The following GRK4 variants were observed in gnomAD, a reference collection of about 807,000 sequenced individuals.
GRK4 encodes the protein G protein-coupled receptor kinase 2-like.
GRK4 carries 73 observed loss-of-function variants against 77.9 expected under a neutral mutation model. That is an observed-to-expected ratio of 0.94 (90% CI 0.78 to 1.14). The LOEUF (loss-of-function observed/expected upper bound fraction) is 1.14. GRK4 is among the 50% of genes most tolerant of loss of function. The probability of loss-of-function intolerance (pLI) is 0.00; values close to 1 mark genes in which losing one functional copy is unlikely to be tolerated. For synonymous variants in GRK4, 257 were observed against 254.4 expected (o/e 1.01, Z -0.10); for missense variants, 729 against 700.2 (o/e 1.04, Z -0.46).
At chr4:2,981,915 T>C (rs1482408320) in intron 1 of GRK4, among the ~76,000 whole-genome samples, 1 of 152,220 alleles carries the variant, frequency 6.6e-6, no homozygotes, top group Non-Finnish European at 1.5e-5. Context: ...GTGTCCAAAG[T>C]CTGGAGGGGG....
intron 1 of GRK4, among the ~76,000 whole-genome samples, chr4:2,969,633 C>T (rs560965779): frequency 6.6e-6 from 1 of 151,838 alleles, no homozygotes; most frequent in African/African-American, 2.4e-5. Context: ...ACCTCGGCCT[C>T]CCAAAGTGCT....
intron 14 of GRK4, among the ~76,000 whole-genome samples, chr4:3,038,070 G>A (rs1266759186): frequency 1.3e-5 from 2 of 152,218 alleles, no homozygotes; most frequent in African/African-American, 4.8e-5. Context: ...TTTTGGGTCT[G>A]ATGGGAGCTT....
In GRK4 at chr4:2,992,067, G is replaced by A. The variant is rs73792115; in HGVS notation, c.262-148G>A. 4.7e-3 allele frequency: 2,026 copies of A among 427,352 alleles called. 58 individuals are homozygous for A. The highest frequency in any genetic ancestry group is 0.039 in the African/African-American group (1,921 of 48,878). The allele number at this position is 427,352 out of a possible 1,614,324, so 26.5% of individuals were successfully genotyped here. A position where few individuals can be genotyped will look rare whatever the true frequency, so the allele number is the denominator to read the frequency against. ...ACTTTTTTTTTTTTTTTTAAGAGAT[G>A]GGATCTCGCTATGTTGCTCAGGCTG... On this transcript the variant is annotated intron_variant, in intron 3 of 15. Transcript: ENST00000398052.
At chr4:2,995,970 C>G (rs1727740758) in intron 4 of GRK4, among the ~76,000 whole-genome samples, 1 of 152,146 alleles carries the variant, frequency 6.6e-6, no homozygotes, top group South Asian at 2.1e-4. Flanking sequence ...GGACCACTAG[C>G]AAGTGGCTTC....
intron 1 of GRK4, 36 bp downstream of exon 1, chr4:2,964,158 A>G (rs931601199): frequency 9.2e-7 from 1 of 1,086,494 alleles, no homozygotes; most frequent in Non-Finnish European, 1.2e-6. Flanking sequence ...CCCCCCCCCC[A>G]GAGAACCCCG....
intron 12 of GRK4, among the ~76,000 whole-genome samples, chr4:3,033,502 A>G (rs978619050): frequency 1.3e-5 from 2 of 152,220 alleles, no homozygotes; most frequent in African/African-American, 4.8e-5. Context: ...AGCAAGCTCA[A>G]CCATGGGGCT....
At chr4:3,021,636 T>C (rs911608807) in intron 9 of GRK4, among the ~76,000 whole-genome samples, 2 of 152,186 alleles carry the variant, frequency 1.3e-5, no homozygotes, top group East Asian at 3.8e-4. Flanking sequence ...GGTGGTCGCC[T>C]GAGTTGAGGA....
chr4:3,037,083 A>ATGTG (rs34216391), intron 13 of GRK4, among the ~76,000 whole-genome samples: 3 of 140,148 alleles, frequency 2.1e-5, no homozygotes, highest in Non-Finnish European at 3.1e-5. Context: ...GTGTGTGTGT[A>ATGTG]TGTGTGTGTG....
At chr4:2,964,514 AG>A (rs1716865140) in intron 1 of GRK4, among the ~76,000 whole-genome samples, 1 of 152,174 alleles carries the variant, frequency 6.6e-6, no homozygotes, top group South Asian at 2.1e-4. Context: ...TATGGTCTTA[AG>A]GGGGACAAAG....
In GRK4 at chr4:3,037,497, C is replaced by A. The variant is rs1283190652; in HGVS notation, c.1531C>A (p.Pro511Thr). The change falls in exon 14 of 16, where the codon CCC (proline) becomes ACC (threonine). Residue 511 changes from proline (P) to threonine (T), a missense_variant. Physicochemically the swap from Pro to Thr is conservative, Grantham distance 38. Coordinates refer to ENST00000398052, the MANE Select transcript of GRK4 (RefSeq NM_182982.3). The part of the protein sequence containing the change: ...ARFATGCVSI[P>T]WQNEMIESGC... ...GTTTGCTACCGGGTGTGTCTCCATC[C>A]CCTGGCAGAATGAGGTACTGCCCTT... The A allele has an allele frequency of 1.2e-6, 2 of 1,605,334 alleles. No individual in the cohort carries two copies. Among genetic ancestry groups the A allele is most frequent in the South Asian group, 1.1e-5 (1 of 90,816 alleles).
chr4:3,026,616 G>A (rs1737646552), intron 10 of GRK4, among the ~76,000 whole-genome samples: 1 of 152,204 alleles, frequency 6.6e-6, no homozygotes, highest in African/African-American at 2.4e-5. Flanking sequence ...GAATGCATCT[G>A]TACAAGGGGA....
chr4:3,024,576 G>A (rs1175644126), intron 10 of GRK4, among the ~76,000 whole-genome samples: 4 of 151,210 alleles, frequency 2.6e-5, no homozygotes, highest in African/African-American at 4.9e-5. Context: ...TTAAAAAATT[G>A]TAGGCCAGGT....
chr4:2,991,613 C>A (rs1283579543), intron 3 of GRK4, among the ~76,000 whole-genome samples: 1 of 152,148 alleles, frequency 6.6e-6, no homozygotes, highest in African/African-American at 2.4e-5. Flanking sequence ...TGGGTCCAGG[C>A]AATTCTTCCT....
At chr4:3,001,194 T>TAG (rs199755283) in intron 4 of GRK4, among the ~76,000 whole-genome samples, 11,953 of 69,358 alleles carry the variant, frequency 0.17, 3,500 homozygotes, top group African/African-American at 0.29. Context: ...TGTATATATA[T>TAG]GTATATATGT....
At chr4:3,035,913 C>T (rs1046262119) in intron 13 of GRK4, among the ~76,000 whole-genome samples, 14 of 152,146 alleles carry the variant, frequency 9.2e-5, no homozygotes, top group African/African-American at 1.7e-4. Flanking sequence ...CTCCCTGCCT[C>T]GTGTCACTGT....
At chr4:3,035,296 C>G (rs952365728) in intron 12 of GRK4, 90 bp from the exon 13 acceptor site, 62 of 1,325,656 alleles carry the variant, frequency 4.7e-5, no homozygotes, top group Non-Finnish European at 6.5e-5. Flanking sequence ...CTCTGCCCTC[C>G]CGAGTCCTTT....
intron 14 of GRK4, 82 bp downstream of exon 14, chr4:3,037,593 G>C (rs1741130119): frequency 7.0e-7 from 1 of 1,429,984 alleles, no homozygotes; most frequent in Admixed American, 1.9e-5. Flanking sequence ...CCGTGTGTGT[G>C]TGTGTGTCTG....
intron 12 of GRK4, among the ~76,000 whole-genome samples, chr4:3,034,124 C>CA (rs1240525789): frequency 4.6e-5 from 7 of 151,842 alleles, no homozygotes; most frequent in Non-Finnish European, 7.4e-5. Context: ...CAGGCTGTGG[C>CA]AAAAAAATTT....
intron 1 of GRK4, among the ~76,000 whole-genome samples, chr4:2,973,653 C>T (rs748818081): frequency 5.3e-5 from 8 of 152,172 alleles, no homozygotes; most frequent in Admixed American, 3.3e-4. Context: ...CAGCAGATTC[C>T]GACCTTTTCT....
Sources: gnomAD v4.1 joint callset for allele counts (sites outside exome capture counted in the v4.1 genomes callset) on GRCh38, gnomAD v4.1.1 for gene constraint, MANE v1.5 for transcripts, NCBI Gene and HGNC (gene_info 2026-07-23, HGNC 2026-07-21) for gene names.